The following MAGI3 variants were observed in gnomAD, a reference collection of about 807,000 sequenced individuals.
The protein encoded by MAGI3 is membrane associated guanylate kinase, WW and PDZ domain containing 3, also known as membrane-associated guanylate kinase, WW and PDZ domain-containing protein 3.
MAGI3 carries 43 observed loss-of-function variants against 121.8 expected under a neutral mutation model. That is an observed-to-expected ratio of 0.35 (90% CI 0.28 to 0.46). MAGI3 has a LOEUF of 0.46. Among genes scored for constraint, MAGI3 ranks in the 20% least tolerant of loss-of-function variants. MAGI3 has a pLI of 1.00. For missense variants in MAGI3, 1,547 were observed against 1,797.3 expected, an observed-to-expected ratio of 0.86 and a Z score of 2.52; for synonymous variants, 553 against 639.3, an observed-to-expected ratio of 0.86 and a Z score of 2.04.
intron 16 of MAGI3, among the ~76,000 whole-genome samples, chr1:113,662,676 T>C (rs901838220): frequency 4.6e-5 from 7 of 152,360 alleles, no homozygotes; most frequent in Middle Eastern, 3.4e-3. Context: ...CATTCTAGTA[T>C]GTTTTATGTA....
chr1:113,631,171 A>G (rs1010580458), intron 9 of MAGI3, among the ~76,000 whole-genome samples: 8 of 152,066 alleles, frequency 5.3e-5, no homozygotes, highest in African/African-American at 1.9e-4. Context: ...GCAAATTCTC[A>G]CCACCAGTGC....
intron 1 of MAGI3, among the ~76,000 whole-genome samples, chr1:113,452,661 C>A (rs10857996): frequency 0.24 from 36,775 of 151,984 alleles, 5,115 homozygotes; most frequent in East Asian, 0.63. Context: ...TGGGAAAAAA[C>A]CCCACAAATG....
Position 113,547,713 on chromosome 1 carries a change from G to A in MAGI3, c.317-1802G>A, listed in dbSNP as rs114395009. 2.5e-3 allele frequency among the ~76,000 whole-genome samples: 385 copies of A among 152,246 alleles called. 3 individuals are homozygous for A. Among genetic ancestry groups the A allele is most frequent in the Admixed American group, 5.2e-3 (80 of 15,300 alleles). ...TTAGCATTTTATTCTATCCGGTGAT[G>A]AATAGTATACTGTATGATTCTGTAT... On this transcript the variant is annotated intron_variant, in intron 1 of 20. Coordinates refer to ENST00000307546, the MANE Select transcript of MAGI3 (RefSeq NM_001142782.2).
intron 1 of MAGI3, among the ~76,000 whole-genome samples, chr1:113,541,087 G>A (rs1456330851): frequency 6.6e-6 from 1 of 152,080 alleles, no homozygotes; most frequent in African/African-American, 2.4e-5. Context: ...GAAGGATGAA[G>A]TGGAGGAATG....
In MAGI3 at chr1:113,391,050, A is replaced by G. The variant is rs760043801; in HGVS notation, c.17A>G (p.Lys6Arg). 2 of 1,587,500 alleles carry G rather than the reference A, an allele frequency of 1.3e-6. No individual in the cohort carries two copies. The highest frequency in any genetic ancestry group is 1.7e-6 in the Non-Finnish European group (2 of 1,168,312). Residue 6 changes from lysine (K) to arginine (R), a missense_variant, in exon 1 of 21, where the codon AAG (lysine) becomes AGG (arginine). Lys to Arg is a conservative substitution (Grantham distance 26, BLOSUM62 2). Transcript: ENST00000307546. The surrounding 1 kb of genome is among the most constrained non-coding windows in gnomAD (Gnocchi z 4.4). ...GGGTTCGGGATGTCGAAGACGCTGA[A>G]GAAGAAGAAGCACTGGCTCAGCAAG... MSKTLKKKKHWLSKVQ... is the reference protein window; with the variant it reads MSKTLRKKKHWLSKVQ...
intron 9 of MAGI3, among the ~76,000 whole-genome samples, chr1:113,635,483 C>A (rs373857914): frequency 1.3e-5 from 2 of 151,916 alleles, no homozygotes; most frequent in African/African-American, 4.8e-5. Flanking sequence ...ATTGAGATAA[C>A]CATGTGGTTT....
chr1:113,518,905 GTAAT>G (rs1489700082), intron 1 of MAGI3, among the ~76,000 whole-genome samples: 1 of 152,108 alleles, frequency 6.6e-6, no homozygotes, highest in Admixed American at 6.5e-5. Flanking sequence ...ATGAAAACAG[GTAAT>G]GCAAGAGGCA....
chr1:113,444,860 A>G (rs1267506871), intron 1 of MAGI3, among the ~76,000 whole-genome samples: 3 of 152,222 alleles, frequency 2.0e-5, no homozygotes, highest in Non-Finnish European at 4.4e-5. Context: ...GGGAAAGTCA[A>G]GAACATAATG....
At chr1:113,490,243 T>G (rs1003390511) in intron 1 of MAGI3, among the ~76,000 whole-genome samples, 1 of 152,154 alleles carries the variant, frequency 6.6e-6, no homozygotes, top group Non-Finnish European at 1.5e-5. Flanking sequence ...TTCAACATTC[T>G]TAAAAGAAAT....
At chr1:113,503,817 A>G (rs1657173717) in intron 1 of MAGI3, among the ~76,000 whole-genome samples, 1 of 152,106 alleles carries the variant, frequency 6.6e-6, no homozygotes, top group Non-Finnish European at 1.5e-5. Flanking sequence ...TGACATGAAT[A>G]GAAACTTCTG....
chr1:113,662,211 C>T (rs1019334214), intron 16 of MAGI3, among the ~76,000 whole-genome samples: 1 of 152,002 alleles, frequency 6.6e-6, no homozygotes, highest in Non-Finnish European at 1.5e-5. Flanking sequence ...TCCTTTTTTC[C>T]CCCTTTGCTA....
intron 19 of MAGI3, among the ~76,000 whole-genome samples, chr1:113,679,141 T>C (rs188711142): frequency 1.3e-5 from 2 of 152,328 alleles, no homozygotes; most frequent in African/African-American, 4.8e-5. Flanking sequence ...ATGTACAGGT[T>C]TGTTACACAG....
At chr1:113,456,645 G>T (rs1415964016) in intron 1 of MAGI3, among the ~76,000 whole-genome samples, 1 of 152,100 alleles carries the variant, frequency 6.6e-6, no homozygotes, top group Admixed American at 6.5e-5. Context: ...AAACCACATG[G>T]TGATCTTAAT....
intron 9 of MAGI3, among the ~76,000 whole-genome samples, 179 bp downstream of exon 9, chr1:113,623,173 G>A (rs1177143903): frequency 6.6e-6 from 1 of 151,434 alleles, no homozygotes; most frequent in Non-Finnish European, 1.5e-5. Context: ...TATACAGTAG[G>A]TATATATATT....
At chr1:113,547,295 T>TAA (rs35066015) in intron 1 of MAGI3, among the ~76,000 whole-genome samples, 61 of 149,604 alleles carry the variant, frequency 4.1e-4, no homozygotes, top group East Asian at 2.3e-3. Context: ...GCTTCAAATT[T>TAA]AAAAAAAAAA....
chr1:113,448,071 AATAATGCTTTTAATTATTTTC>A (rs1654273701), intron 1 of MAGI3, among the ~76,000 whole-genome samples: 1 of 152,186 alleles, frequency 6.6e-6, no homozygotes, highest in African/African-American at 2.4e-5. Context: ...ATAATGGGCA[AATAATGCTTTTAATTATTTTC>A]TTTAACCCGT....
chr1:113,448,084 A>C (rs891938773), intron 1 of MAGI3, among the ~76,000 whole-genome samples: 2 of 152,168 alleles, frequency 1.3e-5, no homozygotes, highest in African/African-American at 2.4e-5. Flanking sequence ...AATGCTTTTA[A>C]TTATTTTCTT....
At chr1:113,653,377 G>A (rs1653281554) in intron 14 of MAGI3, among the ~76,000 whole-genome samples, 1 of 152,122 alleles carries the variant, frequency 6.6e-6, no homozygotes, top group Non-Finnish European at 1.5e-5. Flanking sequence ...TTCGAGACCA[G>A]CCTGGCCAAT....
chr1:113,640,021 A>C (rs1557867948), intron 9 of MAGI3, among the ~76,000 whole-genome samples: 2 of 152,320 alleles, frequency 1.3e-5, no homozygotes, highest in Admixed American at 1.3e-4. Context: ...AACTCAAGAA[A>C]TAAGGTGGTA....
Sources: allele counts gnomAD v4.1 joint callset (sites outside exome capture counted in the v4.1 genomes callset), GRCh38; gene constraint gnomAD v4.1.1; non-coding constraint Gnocchi (gnomAD v3.1); transcripts MANE v1.5; gene names NCBI Gene and HGNC (gene_info 2026-07-23, HGNC 2026-07-21).